Variants in NDUFS4 observed in about 807,000 individuals in gnomAD.
NDUFS4 encodes the protein NADH:ubiquinone oxidoreductase subunit S4.
Under a neutral mutation model 24.3 loss-of-function variants are expected in NDUFS4, and 28 were observed. The observed-to-expected ratio is 1.15, with a 90% CI of 0.85 to 1.58. The LOEUF (loss-of-function observed/expected upper bound fraction) is 1.58, where lower values mean the gene tolerates loss of function less well. NDUFS4 is among the 40% of genes most tolerant of loss of function. The probability of loss-of-function intolerance (pLI) is 0.00; values close to 1 mark genes in which losing one functional copy is unlikely to be tolerated. For synonymous variants in NDUFS4, 93 were observed against 69.7 expected, an observed-to-expected ratio of 1.34 and a Z score of -1.67; for missense variants, 223 against 207.9, an observed-to-expected ratio of 1.07 and a Z score of -0.45.
At chr5:53,574,092 G>A (rs1232846576) in intron 1 of NDUFS4, among the ~76,000 whole-genome samples, 2 of 152,072 alleles carry the variant, frequency 1.3e-5, no homozygotes, top group Admixed American at 1.3e-4. Context: ...CCAATCACTA[G>A]GTCTTTTATT....
intron 2 of NDUFS4, among the ~76,000 whole-genome samples, chr5:53,611,427 C>T (rs1351592921): frequency 1.3e-5 from 2 of 151,850 alleles, no homozygotes; most frequent in Non-Finnish European, 2.9e-5. Context: ...AATATGGCCT[C>T]AGAGTACTTT....
At position 53,563,458 on chromosome 5, in the gene NDUFS4, C is replaced by T. The variant is rs1173981043; in HGVS notation, c.98+2698C>T. On this transcript the variant is annotated intron_variant, in intron 1 of 4. Coordinates refer to ENST00000296684, the MANE Select transcript of NDUFS4 (RefSeq NM_002495.4). Reference sequence around the variant, plus strand: ...CAGTTTCCATGTGCTTCTCATTTCCCTGTACCGAATGTGAGGAGGCAAAAA... The same window carrying T: ...CAGTTTCCATGTGCTTCTCATTTCCTTGTACCGAATGTGAGGAGGCAAAAA... 5.3e-5 allele frequency among the ~76,000 whole-genome samples: 8 copies of T among 151,340 alleles called. 1 individual carries two copies. Among genetic ancestry groups the T allele is most frequent in the African/African-American group, 1.7e-4 (7 of 41,204 alleles).
At chr5:53,570,053 G>A (rs1749159615) in intron 1 of NDUFS4, among the ~76,000 whole-genome samples, 1 of 152,118 alleles carries the variant, frequency 6.6e-6, no homozygotes, top group Non-Finnish European at 1.5e-5. Context: ...TTTAACACAT[G>A]TATGGGTTAT....
chr5:53,673,920 A>G (rs536455148), intron 4 of NDUFS4, among the ~76,000 whole-genome samples: 2 of 152,264 alleles, frequency 1.3e-5, no homozygotes, highest in East Asian at 3.9e-4. Context: ...TCATTAACCA[A>G]CTCAGAGATA....
intron 1 of NDUFS4, among the ~76,000 whole-genome samples, chr5:53,570,962 G>A (rs1049154014): frequency 5.3e-5 from 8 of 152,068 alleles, no homozygotes; most frequent in Non-Finnish European, 2.9e-5. Flanking sequence ...GGAATTACAG[G>A]CATGAGCCAC....
chr5:53,680,313 A>G (rs957781949), intron 4 of NDUFS4, among the ~76,000 whole-genome samples: 3 of 152,160 alleles, frequency 2.0e-5, no homozygotes, highest in Non-Finnish European at 2.9e-5. Flanking sequence ...AACTAGAAAT[A>G]CCATTTGACC....
At chr5:53,560,860 C>T (rs1748815173) in intron 1 of NDUFS4, 100 bp downstream of exon 1, 4 of 1,580,986 alleles carry the variant, frequency 2.5e-6, no homozygotes, top group South Asian at 1.1e-5. Flanking sequence ...GGGAAGGCGT[C>T]CTCTGTTGAC....
chr5:53,587,868 T>C (rs1057081889), intron 1 of NDUFS4, among the ~76,000 whole-genome samples: 1 of 152,196 alleles, frequency 6.6e-6, no homozygotes, highest in Non-Finnish European at 1.5e-5. Context: ...TGTGACACCA[T>C]GCCTGGCAAT....
At chr5:53,624,401 T>C (rs2406914) in intron 2 of NDUFS4, among the ~76,000 whole-genome samples, 25,098 of 152,200 alleles carry the variant, frequency 0.16, 2,303 homozygotes, top group Non-Finnish European at 0.21. Flanking sequence ...AGGGATTGCA[T>C]TGAATCTGTA....
At chr5:53,563,250 A>AG (rs1163718967) in intron 1 of NDUFS4, among the ~76,000 whole-genome samples, 1 of 148,282 alleles carries the variant, frequency 6.7e-6, no homozygotes, top group African/African-American at 2.5e-5. Context: ...AAAAAAAAAA[A>AG]AAAAGAAAAG....
intron 2 of NDUFS4, among the ~76,000 whole-genome samples, chr5:53,630,073 G>C (rs1198224054): frequency 6.6e-6 from 1 of 152,156 alleles, no homozygotes; most frequent in Non-Finnish European, 1.5e-5. Context: ...AGGCAGGCCT[G>C]ATGGTGACAA....
Position 53,563,503 on chromosome 5 carries a change from A to AT in NDUFS4, c.98+2757dup, listed in dbSNP as rs199700887. Among the ~76,000 whole-genome samples, 503 of 142,640 alleles carry AT rather than the reference A, an allele frequency of 3.5e-3. 1 individual carries two copies. Among genetic ancestry groups the AT allele is most frequent in the South Asian group, 8.4e-3 (38 of 4,518 alleles). The allele number at this position is 142,640 out of a possible 152,430, so 93.6% of individuals were successfully genotyped here. On this transcript the variant is annotated intron_variant, in intron 1 of 4. Transcript: ENST00000296684. The stretch of plus-strand genomic sequence containing the variant: ...CAAAAAAAGGGGTTAAATTGTCTAC[A>AT]TTTTTTTTTTTTTTGGAGATGTAGT...
chr5:53,661,725 G>A (rs188248477), intron 4 of NDUFS4, among the ~76,000 whole-genome samples: 265 of 152,042 alleles, frequency 1.7e-3, no homozygotes, highest in Non-Finnish European at 2.9e-3. Context: ...ACGAAGTCCC[G>A]TGTAAGTTGG....
intron 2 of NDUFS4, among the ~76,000 whole-genome samples, chr5:53,606,314 C>G (rs372046021): frequency 6.6e-6 from 1 of 152,272 alleles, no homozygotes; most frequent in East Asian, 1.9e-4. Flanking sequence ...CCTTAGGGGA[C>G]CTTTTACTCA....
chr5:53,563,236 C>CAAAAAAA (rs906204561), intron 1 of NDUFS4, among the ~76,000 whole-genome samples: 89 of 105,028 alleles, frequency 8.5e-4, no homozygotes, highest in African/African-American at 1.0e-3. Flanking sequence ...CTCAAAAAAA[C>CAAAAAAA]AAAAAAAAAA....
chr5:53,634,780 G>A (rs1359981334), intron 2 of NDUFS4, among the ~76,000 whole-genome samples: 4 of 151,196 alleles, frequency 2.6e-5, no homozygotes, highest in Admixed American at 6.6e-5. Context: ...AAAAGGTAAT[G>A]TTATATAAGT....
chr5:53,610,779 A>G (rs1170822281), intron 2 of NDUFS4, among the ~76,000 whole-genome samples: 5 of 152,172 alleles, frequency 3.3e-5, no homozygotes, highest in African/African-American at 1.2e-4. Flanking sequence ...TTAATTAATC[A>G]TCTTGATTGC....
At chr5:53,626,074 C>G (rs977913091) in intron 2 of NDUFS4, among the ~76,000 whole-genome samples, 6 of 151,958 alleles carry the variant, frequency 3.9e-5, no homozygotes, top group African/African-American at 1.5e-4. Context: ...TTGTGATGTT[C>G]CCCGCCCTGT....
chr5:53,646,154 G>A, intron 2 of NDUFS4, 79 bp from the exon 3 acceptor site: 1 of 1,171,472 alleles, frequency 8.5e-7, no homozygotes. Flanking sequence ...AGAGTTGCAT[G>A]AATATAGGAA....
Sources: allele counts gnomAD v4.1 joint callset (sites outside exome capture counted in the v4.1 genomes callset), GRCh38; gene constraint gnomAD v4.1.1; transcripts MANE v1.5; gene names NCBI Gene and HGNC (gene_info 2026-07-23, HGNC 2026-07-21).